The following IGSF21 variants were observed in gnomAD, a reference collection of about 807,000 sequenced individuals.
The protein encoded by IGSF21 is immunoglobin superfamily member 21.
In IGSF21, 28 loss-of-function variants were observed where a neutral mutation model predicts 46.8. The ratio of observed to expected loss-of-function variants is 0.60; its 90% CI spans 0.44 to 0.82. The LOEUF is 0.82. Among genes scored for constraint, IGSF21 ranks in the 40% least tolerant of loss-of-function variants. The probability of loss-of-function intolerance (pLI) is 0.00; values close to 1 mark genes in which losing one functional copy is unlikely to be tolerated. For missense variants in IGSF21, 624 were observed against 665.5 expected (o/e 0.94, Z 0.69); for synonymous variants, 284 against 273.6 (o/e 1.04, Z -0.38).
At chr1:18,369,023 A>AC (rs1468843999) in intron 6 of IGSF21, among the ~76,000 whole-genome samples, 1 of 151,940 alleles carries the variant, frequency 6.6e-6, no homozygotes, top group Non-Finnish European at 1.5e-5. Context: ...CTCTGTGGGC[A>AC]CCCCCACTCA....
chr1:18,288,679 A>G (rs1333137193), intron 2 of IGSF21, among the ~76,000 whole-genome samples: 4 of 152,170 alleles, frequency 2.6e-5, no homozygotes, highest in Non-Finnish European at 5.9e-5. Context: ...ACATCCTTGC[A>G]AATAGCTGCT....
intron 1 of IGSF21, among the ~76,000 whole-genome samples, chr1:18,157,258 G>T (rs895811803): frequency 6.6e-6 from 1 of 152,226 alleles, no homozygotes; most frequent in Non-Finnish European, 1.5e-5. Context: ...GGGCAGTGGG[G>T]CTTCTAGCTC....
At chr1:18,116,567 G>C (rs2086191886) in intron 1 of IGSF21, among the ~76,000 whole-genome samples, 1 of 152,226 alleles carries the variant, frequency 6.6e-6, no homozygotes. Flanking sequence ...TGGGGTCACT[G>C]TTTCTTCTCC....
intron 1 of IGSF21, among the ~76,000 whole-genome samples, chr1:18,153,161 G>T (rs565727931): frequency 6.6e-6 from 1 of 152,138 alleles, no homozygotes; most frequent in African/African-American, 2.4e-5. Context: ...GCTCCCAGCC[G>T]CTCTGCTGGC....
At chr1:18,146,374 C>T (rs900926348) in intron 1 of IGSF21, among the ~76,000 whole-genome samples, 4 of 152,076 alleles carry the variant, frequency 2.6e-5, no homozygotes, top group African/African-American at 9.7e-5. Flanking sequence ...GGTGGGGCAA[C>T]GTGAGTCTAT....
At chr1:18,197,735 T>C (rs538236054) in intron 1 of IGSF21, among the ~76,000 whole-genome samples, 1 of 152,232 alleles carries the variant, frequency 6.6e-6, no homozygotes, top group African/African-American at 2.4e-5. Flanking sequence ...ACTTTATCTA[T>C]CTGAGCCTAA....
intron 2 of IGSF21, among the ~76,000 whole-genome samples, chr1:18,234,209 T>G (rs1325735679): frequency 2.6e-5 from 4 of 152,146 alleles, no homozygotes; most frequent in African/African-American, 9.7e-5. Flanking sequence ...TGGAAAAGGA[T>G]GTGAGTGAGG....
At chr1:18,186,284 G>A (rs2086902478) in intron 1 of IGSF21, among the ~76,000 whole-genome samples, 1 of 152,186 alleles carries the variant, frequency 6.6e-6, no homozygotes, top group East Asian at 1.9e-4. Flanking sequence ...CCAACAGTGA[G>A]TTGCTGGATG....
intron 2 of IGSF21, among the ~76,000 whole-genome samples, chr1:18,256,676 G>A (rs1468794307): frequency 2.0e-5 from 3 of 152,162 alleles, no homozygotes; most frequent in East Asian, 1.9e-4. Context: ...GCTGGTTTGC[G>A]GAGGTTCACT....
At chr1:18,269,373 A>G (rs1380506717) in intron 2 of IGSF21, among the ~76,000 whole-genome samples, 1 of 152,194 alleles carries the variant, frequency 6.6e-6, no homozygotes, top group Non-Finnish European at 1.5e-5. Context: ...ATCCTGTGTC[A>G]TTGGCATGGA....
At chr1:18,145,202 T>C (rs2086454075) in intron 1 of IGSF21, among the ~76,000 whole-genome samples, 1 of 113,942 alleles carries the variant, frequency 8.8e-6, no homozygotes, top group Non-Finnish European at 1.7e-5. Context: ...ATTTATGGAA[T>C]ATTTTTTAAA....
chr1:18,212,768 T>A (rs956995768), intron 1 of IGSF21, among the ~76,000 whole-genome samples: 1 of 152,188 alleles, frequency 6.6e-6, no homozygotes, highest in Non-Finnish European at 1.5e-5. Flanking sequence ...CTCACAAGCA[T>A]CCTGTGGTCA....
chr1:18,214,841 C>G (rs777547165), intron 1 of IGSF21, among the ~76,000 whole-genome samples: 2 of 152,184 alleles, frequency 1.3e-5, no homozygotes, highest in African/African-American at 4.8e-5. Context: ...CTCCCGGGTT[C>G]AAGCAATTCT....
At chr1:18,168,037 G>A (rs76993720) in intron 1 of IGSF21, among the ~76,000 whole-genome samples, 2,202 of 151,954 alleles carry the variant, frequency 0.014, 36 homozygotes, top group East Asian at 0.068. Flanking sequence ...AACCAGCTTA[G>A]CATCATGGTC....
At chr1:18,143,468 A>T (rs1336078797) in intron 1 of IGSF21, among the ~76,000 whole-genome samples, 3 of 152,098 alleles carry the variant, frequency 2.0e-5, no homozygotes, top group South Asian at 4.1e-4. Flanking sequence ...GTGCCCAGTC[A>T]TAAAGTGCAA....
intron 1 of IGSF21, among the ~76,000 whole-genome samples, chr1:18,180,596 G>A (rs901253477): frequency 1.3e-5 from 2 of 152,314 alleles, no homozygotes; most frequent in Admixed American, 1.3e-4. Context: ...GAATAAGGGG[G>A]CTGATGATTT....
chr1:18,252,301 G>A (rs895060966), intron 2 of IGSF21, among the ~76,000 whole-genome samples: 4 of 151,754 alleles, frequency 2.6e-5, no homozygotes, highest in Admixed American at 6.6e-5. Flanking sequence ...CACCCACCTC[G>A]GCCTCCCAAA....
At chr1:18,189,112 A>G (rs1476057517) in intron 1 of IGSF21, among the ~76,000 whole-genome samples, 1 of 152,244 alleles carries the variant, frequency 6.6e-6, no homozygotes, top group Non-Finnish European at 1.5e-5. Context: ...GCTCAGGCCC[A>G]GAGATGGGCA....
At chr1:18,171,833 G>C (rs962015911) in intron 1 of IGSF21, among the ~76,000 whole-genome samples, 2 of 152,240 alleles carry the variant, frequency 1.3e-5, no homozygotes, top group Non-Finnish European at 2.9e-5. Context: ...GCCAAGAAGT[G>C]AGTGATGATT....
Sources: gnomAD v4.1 joint callset for allele counts (sites outside exome capture counted in the v4.1 genomes callset) on GRCh38, gnomAD v4.1.1 for gene constraint, MANE v1.5 for transcripts, NCBI Gene and HGNC (gene_info 2026-07-23, HGNC 2026-07-21) for gene names.